The following ANO1 variants were observed in gnomAD, a reference collection of about 807,000 sequenced individuals.
The protein encoded by ANO1 is anoctamin 1, also known as anoctamin-1.
ANO1 carries 59 observed loss-of-function variants against 124.0 expected under a neutral mutation model. The observed-to-expected ratio is 0.48, with a 90% CI of 0.39 to 0.59. The LOEUF (loss-of-function observed/expected upper bound fraction) is 0.59, where lower values mean the gene tolerates loss of function less well. ANO1 is among the 20% of genes least tolerant of loss of function. The probability of loss-of-function intolerance (pLI) is 0.00; values close to 1 mark genes in which losing one functional copy is unlikely to be tolerated. For missense variants in ANO1, 1,059 were observed against 1,328.0 expected, an observed-to-expected ratio of 0.80 and a Z score of 3.15; for synonymous variants, 529 against 532.0, an observed-to-expected ratio of 0.99 and a Z score of 0.08.
At position 70,149,927 on chromosome 11, in the gene ANO1, TC is replaced by T. The variant is rs1398621556; in HGVS notation, c.1341+140del. 3.4e-6 allele frequency: 3 copies of T among 877,584 alleles called. No homozygotes were observed. The East Asian group carries it at 8.1e-5, about 24-fold the overall frequency. The allele number at this position is 877,584 out of a possible 1,614,324, so 54.4% of individuals were successfully genotyped here. A position where few individuals can be genotyped will look rare whatever the true frequency, so the allele number is the denominator to read the frequency against. ...CAAGCTGAGGCAAGGCCGCCCCCCA[TC>T]CCCCACCCCCTGCCTGCCTCGCCAC... is the stretch of plus-strand genomic sequence containing the variant. On this transcript the variant is annotated intron_variant, in intron 12 of 25. Transcript: ENST00000355303.
At chr11:70,063,203 G>A (rs1219209438) in intron 1 of ANO1, among the ~76,000 whole-genome samples, 4 of 152,158 alleles carry the variant, frequency 2.6e-5, no homozygotes, top group African/African-American at 9.7e-5. Context: ...ATAGGCGTGA[G>A]CCACCGCGCC....
chr11:70,021,120 C>G (rs1856799647), intron 1 of ANO1: 1 of 152,136 alleles, frequency 6.6e-6, no homozygotes, highest in African/African-American at 2.4e-5. Context: ...GGATTCGAAC[C>G]CCCATCTTCT....
At chr11:70,118,928 A>G (rs1265048362) in intron 8 of ANO1, among the ~76,000 whole-genome samples, 4 of 145,464 alleles carry the variant, frequency 2.7e-5, no homozygotes, top group Non-Finnish European at 4.5e-5. Flanking sequence ...TGAATAATCA[A>G]TGATGGATGG....
intron 11 of ANO1, among the ~76,000 whole-genome samples, chr11:70,132,569 C>T (rs1422241069): frequency 3.3e-5 from 5 of 152,200 alleles, no homozygotes; most frequent in African/African-American, 9.7e-5. Context: ...AGTTGGGAAT[C>T]GCCTGGGGTC....
chr11:70,161,547 C>A, intron 17 of ANO1, 75 bp from the exon 18 acceptor site: 1 of 1,520,324 alleles, frequency 6.6e-7, no homozygotes, highest in Non-Finnish European at 9.1e-7. Flanking sequence ...GTGCCAGTGG[C>A]CAGCCAGAAG....
intron 1 of ANO1, among the ~76,000 whole-genome samples, chr11:70,060,664 T>C (rs1401927472): frequency 1.3e-5 from 2 of 152,194 alleles, no homozygotes; most frequent in African/African-American, 2.4e-5. Flanking sequence ...AAGTGGAGCA[T>C]AGCCTGTGAT....
At chr11:70,043,983 AAAT>A in intron 1 of ANO1, among the ~76,000 whole-genome samples, 1 of 151,588 alleles carries the variant, frequency 6.6e-6, no homozygotes, top group East Asian at 2.0e-4. Context: ...TTTATACCAA[AAAT>A]AATAACTGTA....
chr11:70,058,675 G>T (rs782542755), intron 1 of ANO1, among the ~76,000 whole-genome samples: 7 of 152,226 alleles, frequency 4.6e-5, no homozygotes, highest in African/African-American at 1.7e-4. Context: ...GTACCCTGTA[G>T]CATCTCAAGG....
At chr11:69,977,947 A>T in the ANO1 span, among the ~76,000 whole-genome samples, 2 of 152,212 alleles carry the variant, frequency 1.3e-5, no homozygotes, top group South Asian at 4.1e-4. Flanking sequence ...TGTCATTTGC[A>T]TACTGTGGCT....
At chr11:70,116,765 C>A (rs2045992199) in intron 8 of ANO1, among the ~76,000 whole-genome samples, 1 of 152,202 alleles carries the variant, frequency 6.6e-6, no homozygotes, top group African/African-American at 2.4e-5. Context: ...GGAAAGCTGT[C>A]CTCCCAGAGC....
At chr11:70,125,916 G>T in intron 9 of ANO1, 145 bp from the exon 10 acceptor site, 1 of 910,460 alleles carries the variant, frequency 1.1e-6, no homozygotes. Flanking sequence ...CTGATGGGGC[G>T]GCCCAGGACC....
chr11:69,998,015 A>G (rs1371306543), intron 1 of ANO1, among the ~76,000 whole-genome samples: 1 of 152,118 alleles, frequency 6.6e-6, no homozygotes, highest in Non-Finnish European at 1.5e-5. Context: ...CATCCTTCCC[A>G]GAGCATCTTT....
At chr11:70,050,862 G>C (rs1402254352) in intron 1 of ANO1, among the ~76,000 whole-genome samples, 4 of 152,138 alleles carry the variant, frequency 2.6e-5, no homozygotes, top group Non-Finnish European at 2.9e-5. Context: ...ATACTAACAA[G>C]GTTATAGGAA....
At chr11:69,987,501 CG>C (rs1305094466) in intron 1 of ANO1, among the ~76,000 whole-genome samples, 12 of 151,590 alleles carry the variant, frequency 7.9e-5, no homozygotes, top group Non-Finnish European at 1.8e-4. Flanking sequence ...CCTGTTGTCC[CG>C]GGGCTACCTG....
chr11:70,156,232 T>C (rs1008080591), intron 15 of ANO1, among the ~76,000 whole-genome samples: 22 of 152,206 alleles, frequency 1.4e-4, no homozygotes, highest in Admixed American at 1.2e-3. Flanking sequence ...TGAAACGTGC[T>C]TGTCACAACT....
At chr11:70,109,890 C>T (rs1049629020) in intron 6 of ANO1, among the ~76,000 whole-genome samples, 3 of 151,920 alleles carry the variant, frequency 2.0e-5, no homozygotes, top group African/African-American at 4.8e-5. Context: ...CAGATAGATG[C>T]GGGTCCTCCT....
chr11:70,078,974 A>G (rs1482204730), intron 1 of ANO1, among the ~76,000 whole-genome samples: 1 of 151,906 alleles, frequency 6.6e-6, no homozygotes, highest in African/African-American at 2.4e-5. Context: ...GCCCCCAGGC[A>G]TGGCCCGGCC....
chr11:70,011,812 G>A (rs11236532), intron 1 of ANO1, among the ~76,000 whole-genome samples: 75,057 of 152,074 alleles, frequency 0.49, 19,672 homozygotes, highest in East Asian at 0.89. Context: ...TCAATAGATG[G>A]CTGTAATAGC....
chr11:70,002,106 G>A (rs902864), intron 1 of ANO1, among the ~76,000 whole-genome samples: 35,977 of 151,896 alleles, frequency 0.24, 4,434 homozygotes, highest in African/African-American at 0.29. Flanking sequence ...AGGTGGTCCC[G>A]TAAGATTGTA....
Sources: allele counts gnomAD v4.1 joint callset (sites outside exome capture counted in the v4.1 genomes callset), GRCh38; gene constraint gnomAD v4.1.1; transcripts MANE v1.5; gene names NCBI Gene and HGNC (gene_info 2026-07-23, HGNC 2026-07-21).